The following LCORL variants were observed in gnomAD, a reference collection of about 807,000 sequenced individuals.
LCORL encodes ligand-dependent nuclear receptor corepressor-like protein.
In LCORL, 41 loss-of-function variants were observed where a neutral mutation model predicts 141.8. The observed-to-expected ratio is 0.29, with a 90% CI of 0.23 to 0.38. The LOEUF (loss-of-function observed/expected upper bound fraction) is 0.38. Ranked by LOEUF, LCORL falls within the 10% of genes least tolerant of loss-of-function variation. The pLI is 1.00. For missense variants in LCORL, 1,759 were observed against 2,035.0 expected (o/e 0.86, Z 2.61); for synonymous variants, 618 against 694.1 (o/e 0.89, Z 1.72).
intron 4 of LCORL, among the ~76,000 whole-genome samples, chr4:17,934,280 A>G (rs1736501503): frequency 6.6e-6 from 1 of 152,114 alleles, no homozygotes. Flanking sequence ...AAATACACCA[A>G]TGAAAGGTGT....
chr4:17,992,150 C>T (rs888582336), intron 1 of LCORL, among the ~76,000 whole-genome samples: 1 of 152,216 alleles, frequency 6.6e-6, no homozygotes, highest in African/African-American at 2.4e-5. Context: ...TTAATTGACT[C>T]ACAGTTCCAC....
At chr4:17,898,348 G>A (rs1476093022) in intron 5 of LCORL, among the ~76,000 whole-genome samples, 1 of 151,954 alleles carries the variant, frequency 6.6e-6, no homozygotes, top group African/African-American at 2.4e-5. Context: ...AGGTTTATTT[G>A]TTATATTCTA....
chr4:17,999,436 A>G (rs1353942605), intron 1 of LCORL, among the ~76,000 whole-genome samples: 2 of 151,650 alleles, frequency 1.3e-5, no homozygotes, highest in African/African-American at 2.4e-5. Context: ...CCTGGGAGAC[A>G]GCAAGACTCC....
chr4:17,845,630 C>G lies in LCORL; in HGVS notation c.*258G>C, dbSNP rs1722838041. On this transcript the variant is annotated 3_prime_UTR_variant, in exon 8 of 8. Coordinates refer to ENST00000635767, the Ensembl canonical transcript of LCORL. Reference sequence around the variant, plus strand: ...TTTAATATAAAGACAAATCACAGGACTAGAAATACTTCAAGATCAATTGAT... The same window carrying G: ...TTTAATATAAAGACAAATCACAGGAGTAGAAATACTTCAAGATCAATTGAT... 3.6e-6 allele frequency: 3 copies of G among 833,590 alleles called. No individual in the cohort carries two copies. The South Asian group carries it at 7.1e-5, about 20-fold the overall frequency. The allele number at this position is 833,590 out of a possible 1,614,324, so 51.6% of individuals were successfully genotyped here.
intron 7 of LCORL, among the ~76,000 whole-genome samples, chr4:17,854,723 A>T (rs1724156202): frequency 6.6e-6 from 1 of 152,076 alleles, no homozygotes; most frequent in Non-Finnish European, 1.5e-5. Flanking sequence ...TTTTCTCAAA[A>T]TTTTCCTTTG....
chr4:17,953,124 ATTT>A (rs1214419325), intron 4 of LCORL, among the ~76,000 whole-genome samples: 4 of 151,850 alleles, frequency 2.6e-5, no homozygotes, highest in African/African-American at 9.7e-5. Flanking sequence ...TATGCACCAC[ATTT>A]TCTTTATCCA....
chr4:17,933,222 A>T (rs1234446343), intron 4 of LCORL, among the ~76,000 whole-genome samples: 2 of 152,084 alleles, frequency 1.3e-5, no homozygotes, highest in Non-Finnish European at 2.9e-5. Flanking sequence ...AAAGCTATGT[A>T]GTTTCAAATA....
At chr4:17,890,333 T>C (rs2109245096) in intron 5 of LCORL, among the ~76,000 whole-genome samples, 1 of 152,192 alleles carries the variant, frequency 6.6e-6, no homozygotes, top group East Asian at 1.9e-4. Context: ...GCCATTTATG[T>C]GAATATTTAA....
At chr4:18,015,126 T>G (rs1298409137) in intron 1 of LCORL, among the ~76,000 whole-genome samples, 1 of 152,192 alleles carries the variant, frequency 6.6e-6, no homozygotes, top group Non-Finnish European at 1.5e-5. Flanking sequence ...TCTTTGTTGC[T>G]CCTCCCAAGA....
intron 4 of LCORL, among the ~76,000 whole-genome samples, chr4:17,910,324 G>T (rs1363109737): frequency 6.6e-6 from 1 of 152,122 alleles, no homozygotes; most frequent in Non-Finnish European, 1.5e-5. Context: ...TATTTATTCT[G>T]CCCCTTTAGA....
At chr4:17,911,882 G>A in intron 4 of LCORL, 2 of 482,064 alleles carry the variant, frequency 4.1e-6, no homozygotes, top group Admixed American at 5.0e-5. Flanking sequence ...ATGGCCGGGG[G>A]TCTGGCAGGA....
intron 1 of LCORL, among the ~76,000 whole-genome samples, chr4:17,990,091 T>G (rs1056666974): frequency 8.8e-5 from 13 of 147,940 alleles, no homozygotes; most frequent in Admixed American, 8.8e-4. Flanking sequence ...AAGAAAACTC[T>G]CTGCGTTTTT....
At chr4:17,957,134 T>G (rs1234519258) in intron 4 of LCORL, among the ~76,000 whole-genome samples, 1 of 151,916 alleles carries the variant, frequency 6.6e-6, no homozygotes, top group East Asian at 1.9e-4. Context: ...CTACATAGAA[T>G]TTGAAGTCAA....
chr4:17,988,420 C>T (rs571441082), intron 1 of LCORL, among the ~76,000 whole-genome samples: 1 of 152,268 alleles, frequency 6.6e-6, no homozygotes, highest in African/African-American at 2.4e-5. Flanking sequence ...CACAGGCATG[C>T]ACCATGCCTG....
intron 4 of LCORL, chr4:17,912,531 CCA>C (rs1054932542): frequency 2.1e-6 from 1 of 479,158 alleles, no homozygotes; most frequent in African/African-American, 2.0e-5. Flanking sequence ...GAGGAGAGCA[CCA>C]CAGTCATCAC....
intron 5 of LCORL, among the ~76,000 whole-genome samples, chr4:17,895,519 A>G (rs1729786516): frequency 6.6e-6 from 1 of 152,044 alleles, no homozygotes; most frequent in African/African-American, 2.4e-5. Context: ...ATAGTATTCC[A>G]CTTTGTATAT....
chr4:17,846,604 T>C (rs1157321551), intron 7 of LCORL, among the ~76,000 whole-genome samples: 2 of 152,192 alleles, frequency 1.3e-5, no homozygotes, highest in East Asian at 3.8e-4. Context: ...CAAGAATTTT[T>C]TACATTGATG....
intron 4 of LCORL, 80 bp from the exon 5 acceptor site, chr4:17,909,425 A>G: frequency 9.5e-7 from 1 of 1,054,236 alleles, no homozygotes; most frequent in East Asian, 2.6e-5. Flanking sequence ...TTTATTACAA[A>G]TTAATGACTT....
At chr4:17,883,451 TC>T (rs773546610) in intron 6 of LCORL, 96 of 1,174,222 alleles carry the variant, frequency 8.2e-5, no homozygotes, top group Non-Finnish European at 9.9e-5. Context: ...TGAATCTTTT[TC>T]ACCTATTTAT....
Sources: gnomAD v4.1 joint callset for allele counts (sites outside exome capture counted in the v4.1 genomes callset) on GRCh38, gnomAD v4.1.1 for gene constraint, MANE v1.5 for transcripts, NCBI Gene and HGNC (gene_info 2026-07-23, HGNC 2026-07-21) for gene names.